The following FSTL5 variants were observed in gnomAD, a reference collection of about 807,000 sequenced individuals.
The protein encoded by FSTL5 is follistatin-related protein 5.
Under a neutral mutation model 89.1 loss-of-function variants are expected in FSTL5, and 62 were observed. That is an observed-to-expected ratio of 0.70 (90% CI 0.57 to 0.86). The LOEUF (loss-of-function observed/expected upper bound fraction) is 0.86. FSTL5 is among the 40% of genes least tolerant of loss of function. The pLI is 0.00. For synonymous variants in FSTL5, 383 were observed against 346.2 expected (o/e 1.11, Z -1.18); for missense variants, 1,057 against 1,001.6 (o/e 1.06, Z -0.75).
At chr4:161,585,675 A>G (rs1733588416) in intron 8 of FSTL5, among the ~76,000 whole-genome samples, 1 of 151,628 alleles carries the variant, frequency 6.6e-6, no homozygotes, top group Non-Finnish European at 1.5e-5. Flanking sequence ...GAAGGTGAGG[A>G]CCAGACGTGC....
intron 2 of FSTL5, among the ~76,000 whole-genome samples, chr4:162,089,632 CA>C (rs755573032): frequency 0.17 from 7,216 of 42,486 alleles, 286 homozygotes; most frequent in South Asian, 0.3. Context: ...GAATCTGTCT[CA>C]AAAAAAAAAA....
At chr4:161,794,081 T>A (rs189907179) in intron 4 of FSTL5, among the ~76,000 whole-genome samples, 161 of 152,314 alleles carry the variant, frequency 1.1e-3, no homozygotes, top group African/African-American at 3.3e-3. Flanking sequence ...GCATACTGAA[T>A]GAGAAAATAG....
intron 15 of FSTL5, among the ~76,000 whole-genome samples, chr4:161,421,259 T>G (rs911091067): frequency 2.0e-5 from 3 of 150,888 alleles, no homozygotes; most frequent in African/African-American, 4.9e-5. Flanking sequence ...GAGAATGGCA[T>G]GAACCCGGGA....
intron 15 of FSTL5, 128 bp downstream of exon 15, chr4:161,454,876 A>C: frequency 1.2e-6 from 1 of 802,254 alleles, no homozygotes; most frequent in Non-Finnish European, 2.0e-6. Context: ...CAGATATGAC[A>C]AAGCTAAAGC....
intron 6 of FSTL5, among the ~76,000 whole-genome samples, chr4:161,728,910 G>A (rs562454368): frequency 2.6e-5 from 4 of 151,984 alleles, no homozygotes; most frequent in Non-Finnish European, 4.4e-5. Context: ...TGCAGTTAAC[G>A]TTGCCACTGC....
At position 162,026,304 on chromosome 4, in the gene FSTL5, C is replaced by CTTTTT. The variant is rs397996028; in HGVS notation, c.160+7316_160+7320dup. Among the ~76,000 whole-genome samples the CTTTTT allele has an allele frequency of 1.4e-4, 11 of 79,480 alleles. 1 individual carries two copies. Among genetic ancestry groups the CTTTTT allele is most frequent in the African/African-American group, 2.9e-4 (6 of 20,420 alleles). The allele number at this position is 79,480 out of a possible 152,430, so 52.1% of individuals were successfully genotyped here. Reference sequence around the variant, plus strand: ...TTTCAGGAGACAGCTTATGTATTTTCTTTTTTTTTTTTTTTCTTTTTGAGA... The same window carrying CTTTTT: ...TTTCAGGAGACAGCTTATGTATTTTCTTTTTTTTTTTTTTTTTTTTCTTTTTGAGA... On this transcript the variant is annotated intron_variant, in intron 3 of 15. Coordinates refer to ENST00000306100, the MANE Select transcript of FSTL5 (RefSeq NM_020116.5).
chr4:161,723,436 A>G (rs1739284435), intron 6 of FSTL5, among the ~76,000 whole-genome samples: 1 of 152,224 alleles, frequency 6.6e-6, no homozygotes, highest in African/African-American at 2.4e-5. Context: ...GACATCAACA[A>G]TCTGCACTGA....
chr4:161,902,527 G>A (rs548237979), intron 4 of FSTL5, among the ~76,000 whole-genome samples: 1 of 152,180 alleles, frequency 6.6e-6, no homozygotes, highest in South Asian at 2.1e-4. Context: ...GAGAATGAAT[G>A]GATTAAAACA....
intron 4 of FSTL5, among the ~76,000 whole-genome samples, chr4:161,800,724 GA>G (rs1346439734): frequency 1.3e-5 from 2 of 151,454 alleles, no homozygotes; most frequent in African/African-American, 4.8e-5. Flanking sequence ...TTTTAATTCA[GA>G]AAGTACCATG....
chr4:161,870,228 A>G (rs1011805145), intron 4 of FSTL5, among the ~76,000 whole-genome samples: 1 of 152,162 alleles, frequency 6.6e-6, no homozygotes, highest in Non-Finnish European at 1.5e-5. Context: ...AGTGATGTAG[A>G]AATGATAAAT....
At chr4:161,810,253 C>A (rs1289314189) in intron 4 of FSTL5, among the ~76,000 whole-genome samples, 1 of 151,954 alleles carries the variant, frequency 6.6e-6, no homozygotes, top group African/African-American at 2.4e-5. Flanking sequence ...GAGATAATAT[C>A]TATGAAGTAT....
chr4:161,805,107 C>T (rs1490001668), intron 4 of FSTL5, among the ~76,000 whole-genome samples: 1 of 152,096 alleles, frequency 6.6e-6, no homozygotes, highest in Non-Finnish European at 1.5e-5. Context: ...TTTCACCTAA[C>T]ATCTTTGACT....
intron 15 of FSTL5, among the ~76,000 whole-genome samples, chr4:161,415,080 A>G (rs374298487): frequency 6.6e-6 from 1 of 152,224 alleles, no homozygotes; most frequent in African/African-American, 2.4e-5. Flanking sequence ...TAATGGTACG[A>G]TGTCAAGAAA....
chr4:161,566,100 C>CAATATATATA (rs71598715), intron 8 of FSTL5, among the ~76,000 whole-genome samples: 1 of 54,058 alleles, frequency 1.8e-5, no homozygotes, highest in Non-Finnish European at 3.5e-5. Context: ...TTTTTTTGGA[C>CAATATATATA]TATATATATA....
intron 7 of FSTL5, among the ~76,000 whole-genome samples, chr4:161,599,707 C>A (rs901531577): frequency 2.6e-5 from 4 of 152,016 alleles, no homozygotes; most frequent in African/African-American, 7.2e-5. Flanking sequence ...CTGATAGCAG[C>A]TTTGCAATGT....
intron 8 of FSTL5, among the ~76,000 whole-genome samples, chr4:161,548,573 A>T (rs1267291488): frequency 6.6e-6 from 1 of 151,798 alleles, no homozygotes; most frequent in Non-Finnish European, 1.5e-5. Flanking sequence ...ATACTTCTTG[A>T]ACTTGAGTTA....
intron 6 of FSTL5, among the ~76,000 whole-genome samples, chr4:161,717,923 C>T (rs189043043): frequency 6.6e-6 from 1 of 152,140 alleles, no homozygotes; most frequent in East Asian, 1.9e-4. Flanking sequence ...GATAATGCAA[C>T]ACAACTAGGT....
chr4:161,850,507 G>A (rs1415461439), intron 4 of FSTL5, among the ~76,000 whole-genome samples: 1 of 152,162 alleles, frequency 6.6e-6, no homozygotes, highest in African/African-American at 2.4e-5. Flanking sequence ...CGTATGCTGG[G>A]TGAGGGCAAA....
chr4:162,111,011 T>C (rs1731413898), intron 2 of FSTL5, among the ~76,000 whole-genome samples: 1 of 152,082 alleles, frequency 6.6e-6, no homozygotes, highest in Non-Finnish European at 1.5e-5. Flanking sequence ...ATAAATTTAT[T>C]AGTATTACTG....
Sources: gnomAD v4.1 joint callset for allele counts (sites outside exome capture counted in the v4.1 genomes callset) on GRCh38, gnomAD v4.1.1 for gene constraint, MANE v1.5 for transcripts, NCBI Gene and HGNC (gene_info 2026-07-23, HGNC 2026-07-21) for gene names.